The following NBAS variants were observed in gnomAD, a reference collection of about 807,000 sequenced individuals.
NBAS encodes NBAS subunit of NRZ tethering complex.
In NBAS, 219 loss-of-function variants were observed where a neutral mutation model predicts 302.5. The ratio of observed to expected loss-of-function variants is 0.72; its 90% CI spans 0.65 to 0.81. NBAS has a LOEUF of 0.81. Among genes scored for constraint, NBAS ranks in the 30% least tolerant of loss-of-function variants. The pLI, the probability that NBAS is intolerant of heterozygous loss-of-function variation, is 0.00. For synonymous variants in NBAS, 1,118 were observed against 1,021.6 expected (o/e 1.09, Z -1.80); for missense variants, 2,932 against 2,841.6 (o/e 1.03, Z -0.72).
the NBAS span, among the ~76,000 whole-genome samples, chr2:14,845,621 A>T: frequency 6.6e-6 from 1 of 152,248 alleles, no homozygotes; most frequent in Non-Finnish European, 1.5e-5. Context: ...CAGAAAATTT[A>T]AAATAGCTGT....
At chr2:15,245,360 C>T (rs9287655) in intron 44 of NBAS, among the ~76,000 whole-genome samples, 68,278 of 151,746 alleles carry the variant, frequency 0.45, 16,013 homozygotes, top group Middle Eastern at 0.6. Flanking sequence ...GGAATGTTCT[C>T]CCAGGCACCC....
intron 35 of NBAS, among the ~76,000 whole-genome samples, chr2:15,333,354 T>C (rs759158687): frequency 5.9e-5 from 9 of 151,882 alleles, no homozygotes; most frequent in Non-Finnish European, 1.3e-4. Context: ...TGAAAGAAGG[T>C]AGAGGTAAGC....
chr2:15,314,003 T>C (rs532929610), intron 38 of NBAS, among the ~76,000 whole-genome samples: 2 of 152,286 alleles, frequency 1.3e-5, no homozygotes, highest in South Asian at 2.1e-4. Flanking sequence ...TGGGTTCTAT[T>C]ATCCAGACAG....
At chr2:15,213,377 C>T (rs4668884) in intron 48 of NBAS, among the ~76,000 whole-genome samples, 148,357 of 152,364 alleles carry the variant, frequency 0.97, 72,247 homozygotes, top group East Asian at 1. Flanking sequence ...TATATAGTAC[C>T]ATGTATCGAG....
the NBAS span, among the ~76,000 whole-genome samples, chr2:15,054,573 A>G: frequency 2.6e-5 from 4 of 152,312 alleles, no homozygotes; most frequent in East Asian, 5.8e-4. Context: ...CAAACTCCAT[A>G]ACGTTATGGT....
the NBAS span, among the ~76,000 whole-genome samples, chr2:14,875,842 C>T: frequency 6.6e-6 from 1 of 152,122 alleles, no homozygotes; most frequent in Non-Finnish European, 1.5e-5. Flanking sequence ...CTTTTGTCCT[C>T]CTCTCTCTGG....
the NBAS span, among the ~76,000 whole-genome samples, chr2:14,922,558 T>A: frequency 6.6e-6 from 1 of 152,190 alleles, no homozygotes; most frequent in Non-Finnish European, 1.5e-5. Context: ...TGCATGCACA[T>A]CCCTGGCATC....
At chr2:15,205,328 A>G (rs191398274) in intron 48 of NBAS, among the ~76,000 whole-genome samples, 1 of 152,272 alleles carries the variant, frequency 6.6e-6, no homozygotes, top group African/African-American at 2.4e-5. Flanking sequence ...GGAAGACAGG[A>G]AAGAAGAAAA....
At chr2:15,049,788 C>G in the NBAS span, among the ~76,000 whole-genome samples, 8 of 152,216 alleles carry the variant, frequency 5.3e-5, no homozygotes, top group African/African-American at 1.7e-4. Flanking sequence ...CTGCCCTCAG[C>G]CACTGAGCCA....
At chr2:15,371,741 G>A (rs1198061999) in intron 31 of NBAS, among the ~76,000 whole-genome samples, 2 of 152,058 alleles carry the variant, frequency 1.3e-5, no homozygotes, top group African/African-American at 4.8e-5. Context: ...TAGGGTAAGT[G>A]CCTAAATTTA....
chr2:15,132,704 T>C, the NBAS span, among the ~76,000 whole-genome samples: 1 of 152,148 alleles, frequency 6.6e-6, no homozygotes, highest in Non-Finnish European at 1.5e-5. Context: ...ACAGGTACTG[T>C]CTGTTCTTCT....
At chr2:15,219,130 C>T (rs1666800123) in intron 47 of NBAS, among the ~76,000 whole-genome samples, 162 bp from the exon 48 acceptor site, 1 of 152,132 alleles carries the variant, frequency 6.6e-6, no homozygotes, top group South Asian at 2.1e-4. Context: ...TTACAGCGAA[C>T]TGTATTAGGT....
chr2:15,351,836 A>C (rs867116265), intron 35 of NBAS, among the ~76,000 whole-genome samples, 156 bp downstream of exon 35: 4 of 151,704 alleles, frequency 2.6e-5, no homozygotes, highest in Middle Eastern at 3.4e-3. Context: ...TTTCACACAC[A>C]CACACAAAAG....
chr2:15,233,069 G>A (rs970344957), intron 46 of NBAS, among the ~76,000 whole-genome samples: 18 of 152,036 alleles, frequency 1.2e-4, no homozygotes, highest in Non-Finnish European at 2.5e-4. Context: ...TGAGTTTTTC[G>A]AATAATTTAA....
At chr2:15,541,468 T>A (rs1299401649) in intron 6 of NBAS, among the ~76,000 whole-genome samples, 1 of 152,170 alleles carries the variant, frequency 6.6e-6, no homozygotes, top group Non-Finnish European at 1.5e-5. Flanking sequence ...GAGTTCAGAC[T>A]TCCCTTAACT....
chr2:15,246,328 T>C (rs1302599220), intron 44 of NBAS, among the ~76,000 whole-genome samples: 1 of 152,210 alleles, frequency 6.6e-6, no homozygotes, highest in Non-Finnish European at 1.5e-5. Context: ...TAGTTACTTG[T>C]ACATCTCCCT....
At chr2:15,242,988 G>A (rs762130751) in intron 44 of NBAS, among the ~76,000 whole-genome samples, 3 of 152,070 alleles carry the variant, frequency 2.0e-5, no homozygotes, top group Non-Finnish European at 2.9e-5. Flanking sequence ...AGAAGGGGGT[G>A]GAGGGACTGA....
chr2:15,164,534 C>T (rs1663969585), downstream of NBAS, among the ~76,000 whole-genome samples: 1 of 152,234 alleles, frequency 6.6e-6, no homozygotes, highest in Non-Finnish European at 1.5e-5. Context: ...CAGAGGCTCT[C>T]ACCCTGCACT....
the NBAS span, among the ~76,000 whole-genome samples, chr2:15,082,055 A>G: frequency 6.6e-6 from 1 of 152,334 alleles, no homozygotes; most frequent in East Asian, 1.9e-4. Context: ...AGACAACTTA[A>G]AACAGACTCT....
Sources: allele counts gnomAD v4.1 joint callset (sites outside exome capture counted in the v4.1 genomes callset), GRCh38; gene constraint gnomAD v4.1.1; transcripts MANE v1.5; gene names NCBI Gene and HGNC (gene_info 2026-07-23, HGNC 2026-07-21).